MON2: variants seen among roughly 807,000 people sequenced by gnomAD.
The protein encoded by MON2 is MON2 regulator of endosome-to-Golgi trafficking, also known as protein MON2 homolog.
MON2 carries 84 observed loss-of-function variants against 208.6 expected under a neutral mutation model. The ratio of observed to expected loss-of-function variants is 0.40; its 90% CI spans 0.34 to 0.48. MON2 has a LOEUF of 0.48. MON2 is among the 20% of genes least tolerant of loss of function. The pLI is 0.59. For synonymous variants in MON2, 660 were observed against 694.0 expected, an observed-to-expected ratio of 0.95 and a Z score of 0.77; for missense variants, 1,611 against 2,015.4, an observed-to-expected ratio of 0.80 and a Z score of 3.84.
Position 62,556,168 on chromosome 12 carries a change from A to G in MON2, c.3385A>G (p.Arg1129Gly). The change falls in exon 25 of 35, where the codon AGA becomes GGA. Residue 1129 changes from arginine to glycine, a missense_variant. By Grantham distance (125) the Arg-to-Gly change is moderately radical. Transcript: ENST00000393630. ...LAGVARIFNT[R>G]RYLLQPLGDF... ...TGGAGTAGCAAGGATCTTCAACACT[A>G]GAAGATATTTGCTGCAGCCTTTAGG... is the stretch of plus-strand genomic sequence containing the variant. The G allele has an allele frequency of 1.2e-6, 2 of 1,613,934 alleles. No homozygotes were observed. The highest frequency in any genetic ancestry group is 1.7e-6 in the Non-Finnish European group (2 of 1,179,886).
intron 24 of MON2, among the ~76,000 whole-genome samples, chr12:62,554,152 C>T (rs2073866835): frequency 6.6e-6 from 1 of 152,164 alleles, no homozygotes; most frequent in Non-Finnish European, 1.5e-5. Flanking sequence ...TCTAATTTTC[C>T]TTTCAAGCAA....
At chr12:62,475,242 G>A (rs1205654830) in intron 1 of MON2, among the ~76,000 whole-genome samples, 1 of 151,504 alleles carries the variant, frequency 6.6e-6, no homozygotes, top group African/African-American at 2.4e-5. Context: ...TTTTGTTGTT[G>A]TTGTTATTTT....
chr12:62,551,012 T>C (rs980127113), intron 23 of MON2, among the ~76,000 whole-genome samples: 1 of 149,588 alleles, frequency 6.7e-6, no homozygotes, highest in Admixed American at 6.7e-5. Context: ...CTCTGCCTCC[T>C]GGGTTCAAGT....
In MON2 at chr12:62,570,916, G is replaced by C. The variant is rs146794908; in HGVS notation, c.4324-476G>C. Among the ~76,000 whole-genome samples, 1,229 of 151,652 alleles carry C rather than the reference G, an allele frequency of 8.1e-3. 10 individuals are homozygous for C. The highest frequency in any genetic ancestry group is 0.024 in the Middle Eastern group (7 of 292). Reference sequence around the variant, plus strand: ...CCAGCTCATTTTTGTATTTTTAGTAGAGATGAGGTTTCACCATGTTGGCCC... The same window carrying C: ...CCAGCTCATTTTTGTATTTTTAGTACAGATGAGGTTTCACCATGTTGGCCC... On this transcript the variant is annotated intron_variant, in intron 29 of 34. Coordinates refer to ENST00000393630, the MANE Select transcript of MON2 (RefSeq NM_015026.3).
At chr12:62,573,129 C>G (rs2074657744) in intron 30 of MON2, among the ~76,000 whole-genome samples, 1 of 152,118 alleles carries the variant, frequency 6.6e-6, no homozygotes, top group Non-Finnish European at 1.5e-5. Flanking sequence ...TTTTTCACTT[C>G]TAGAAATGTT....
chr12:62,556,227 T>C (rs746068741), intron 25 of MON2, 35 bp downstream of exon 25: 1 of 1,587,252 alleles, frequency 6.3e-7, no homozygotes, highest in Non-Finnish European at 8.6e-7. Context: ...ATACAAGTAA[T>C]TAATGTTAAA....
At chr12:62,589,760 A>C (rs1379918620) in intron 34 of MON2, among the ~76,000 whole-genome samples, 1 of 151,800 alleles carries the variant, frequency 6.6e-6, no homozygotes, top group Non-Finnish European at 1.5e-5. Flanking sequence ...AAAAAAAAAA[A>C]AAAAAGAACC....
In MON2 at chr12:62,520,552, T is replaced by A. The variant is rs141287256; in HGVS notation, c.985-3963T>A. Among the ~76,000 whole-genome samples the A allele has an allele frequency of 3.9e-5, 6 of 152,286 alleles. No homozygotes were observed. In the East Asian group the frequency reaches 1.2e-3, roughly 29 times the overall value. On this transcript the variant is annotated intron_variant, in intron 8 of 34. Coordinates refer to ENST00000393630, the MANE Select transcript of MON2 (RefSeq NM_015026.3). ...TAAAAAGACTAGCTCAGTTCACAGC[T>A]ATGCTTTTCTTCCAACAATGATGGT...
At position 62,560,475 on chromosome 12, in the gene MON2, T is replaced by TC. The variant is rs2074158219; in HGVS notation, c.3410-15dup. The TC allele has an allele frequency of 6.4e-7, 1 of 1,565,374 alleles. No individual in the cohort carries two copies. The highest frequency in any genetic ancestry group is 2.2e-5 in the East Asian group (1 of 44,556). On this transcript the variant is annotated splice_polypyrimidine_tract_variant and intron_variant, in intron 25 of 34. Transcript: ENST00000393630. Reference sequence around the variant, plus strand: ...CGCTTTTATGATAATAGTTTTTTTTTCTCTTCCTAATATAGGAGATTTTTC... The same window carrying TC: ...CGCTTTTATGATAATAGTTTTTTTTTCCTCTTCCTAATATAGGAGATTTTTC...
intron 29 of MON2, 118 bp from the exon 30 acceptor site, chr12:62,571,274 A>G: frequency 1.3e-6 from 1 of 783,078 alleles, no homozygotes; most frequent in Non-Finnish European, 1.9e-6. Flanking sequence ...AAATGAAAAT[A>G]CCATCCTTTT....
intron 1 of MON2, among the ~76,000 whole-genome samples, chr12:62,468,775 G>T (rs2068637958): frequency 6.6e-6 from 1 of 152,116 alleles, no homozygotes; most frequent in Non-Finnish European, 1.5e-5. Flanking sequence ...GAATTAAGTT[G>T]TTTTAATTAT....
In MON2 at chr12:62,597,468, G is replaced by A. The variant is rs189537374; in HGVS notation, c.*4719G>A. On this transcript the variant is annotated 3_prime_UTR_variant, in exon 35 of 35. Transcript: ENST00000393630. Reference sequence around the variant, plus strand: ...TACTTTGCACTTTGGCCACTGTTGCGTTTTTGCCAAGGTAAAGTTCCCCTG... The same window carrying A: ...TACTTTGCACTTTGGCCACTGTTGCATTTTTGCCAAGGTAAAGTTCCCCTG... 3.9e-5 allele frequency: 6 copies of A among 152,152 alleles called. No individual in the cohort carries two copies. Among genetic ancestry groups the A allele is most frequent in the Non-Finnish European group, 7.4e-5 (5 of 68,008 alleles). 9.4% of individuals were successfully genotyped at this position (152,152 alleles called of 1,614,324 possible).
intron 33 of MON2, chr12:62,587,836 C>T (rs1052292539): frequency 2.5e-5 from 8 of 317,362 alleles, no homozygotes; most frequent in Non-Finnish European, 4.0e-5. Flanking sequence ...ATTGCCCCAC[C>T]TCTTTATTAA....
intron 32 of MON2, among the ~76,000 whole-genome samples, chr12:62,583,449 G>A (rs1422446431): frequency 6.6e-6 from 1 of 151,944 alleles, no homozygotes; most frequent in Non-Finnish European, 1.5e-5. Context: ...GACAAAGAAA[G>A]AACAAAGAAA....
At chr12:62,544,093 T>C (rs1301079274) in intron 20 of MON2, among the ~76,000 whole-genome samples, 2 of 152,164 alleles carry the variant, frequency 1.3e-5, no homozygotes, top group Non-Finnish European at 2.9e-5. Flanking sequence ...ACAGTTTAGG[T>C]TTAGGTTACC....
chr12:62,508,150 A>C, intron 7 of MON2, 136 bp from the exon 8 acceptor site: 1 of 671,644 alleles, frequency 1.5e-6, no homozygotes, highest in South Asian at 2.0e-5. Flanking sequence ...ATAATAAAAC[A>C]TATAAACTTA....
intron 1 of MON2, among the ~76,000 whole-genome samples, chr12:62,469,370 T>C (rs754383093): frequency 7.2e-5 from 11 of 152,224 alleles, no homozygotes; most frequent in Non-Finnish European, 1.6e-4. Context: ...AAAAAGCTTA[T>C]TGGTTTTTAC....
In MON2 at chr12:62,598,820, ATATAG is replaced by A. The variant is rs2075575357; in HGVS notation, c.*6073_*6077del. Reference sequence around the variant, plus strand: ...CTAGGATAGATTTTTCATGAAAGCTATATAGTTATAACTGTGATTGTACAGATTGT... The same window carrying A: ...CTAGGATAGATTTTTCATGAAAGCTATTATAACTGTGATTGTACAGATTGT... On this transcript the variant is annotated 3_prime_UTR_variant, in exon 35 of 35. Coordinates refer to ENST00000393630, the MANE Select transcript of MON2 (RefSeq NM_015026.3). 1 of 152,210 alleles carries A rather than the reference ATATAG, an allele frequency of 6.6e-6. No individual in the cohort carries two copies. Among genetic ancestry groups the A allele is most frequent in the Admixed American group, 6.5e-5 (1 of 15,280 alleles). The allele number at this position is 152,210 out of a possible 1,614,324, so 9.4% of individuals were successfully genotyped here.
chr12:62,578,646 C>T (rs527297422), intron 31 of MON2, 141 bp downstream of exon 31: 9 of 565,008 alleles, frequency 1.6e-5, no homozygotes, highest in African/African-American at 1.2e-4. Context: ...ACAGGTTAAA[C>T]GTTGATGTTT....
Sources: gnomAD v4.1 joint callset for allele counts (sites outside exome capture counted in the v4.1 genomes callset) on GRCh38, gnomAD v4.1.1 for gene constraint, MANE v1.5 for transcripts, NCBI Gene and HGNC (gene_info 2026-07-23, HGNC 2026-07-21) for gene names.